Variants in LRMDA observed in about 807,000 individuals in gnomAD.
LRMDA encodes the protein leucine rich melanocyte differentiation associated, also known as leucine-rich melanocyte differentiation-associated protein.
A neutral mutation model predicts 29.8 loss-of-function variants in LRMDA; 18 were observed. That is an observed-to-expected ratio of 0.60 (90% CI 0.42 to 0.90). The LOEUF (loss-of-function observed/expected upper bound fraction) is 0.90, where lower values mean the gene tolerates loss of function less well. Ranked by LOEUF, LRMDA falls within the 40% of genes least tolerant of loss-of-function variation. The pLI, the probability that LRMDA is intolerant of heterozygous loss-of-function variation, is 0.00. For missense variants in LRMDA, 273 were observed against 273.9 expected (o/e 1.00, Z 0.02); for synonymous variants, 125 against 109.4 (o/e 1.14, Z -0.89).
At chr10:76,192,122 A>G (rs1851257794) in intron 5 of LRMDA, among the ~76,000 whole-genome samples, 1 of 152,170 alleles carries the variant, frequency 6.6e-6, no homozygotes, top group Admixed American at 6.5e-5. Context: ...TCTGTTACCA[A>G]CACTCCTAAG....
chr10:75,617,077 G>A (rs921113946), intron 2 of LRMDA, among the ~76,000 whole-genome samples: 1 of 152,168 alleles, frequency 6.6e-6, no homozygotes, highest in African/African-American at 2.4e-5. Context: ...GTGCATTTGG[G>A]AAAAAGGCAC....
At chr10:75,734,848 T>G (rs1842741595) in intron 2 of LRMDA, among the ~76,000 whole-genome samples, 2 of 152,340 alleles carry the variant, frequency 1.3e-5, no homozygotes, top group Admixed American at 6.5e-5. Context: ...ATTTTTGTTT[T>G]TAGTTATTTG....
intron 2 of LRMDA, among the ~76,000 whole-genome samples, chr10:76,017,736 G>A (rs1847901876): frequency 6.6e-6 from 1 of 152,170 alleles, no homozygotes; most frequent in African/African-American, 2.4e-5. Context: ...AGCTGTGTTG[G>A]GGCAGATCTG....
At chr10:75,806,552 A>G (rs1370418445) in intron 2 of LRMDA, among the ~76,000 whole-genome samples, 2 of 152,034 alleles carry the variant, frequency 1.3e-5, no homozygotes, top group Non-Finnish European at 2.9e-5. Flanking sequence ...TCCTTAGTAC[A>G]TTAAAGTATT....
At chr10:76,436,109 G>A (rs1382785349) in intron 6 of LRMDA, among the ~76,000 whole-genome samples, 2 of 152,190 alleles carry the variant, frequency 1.3e-5, no homozygotes, top group Non-Finnish European at 2.9e-5. Context: ...GGTGGGTTGA[G>A]AGCCCAGCTC....
At chr10:75,631,426 C>G (rs905658538) in intron 2 of LRMDA, among the ~76,000 whole-genome samples, 3 of 150,484 alleles carry the variant, frequency 2.0e-5, no homozygotes, top group African/African-American at 7.5e-5. Context: ...CGCCACCCAA[C>G]ATGTTGCCAG....
At chr10:75,599,070 C>T (rs1192068162) in intron 2 of LRMDA, among the ~76,000 whole-genome samples, 1 of 152,048 alleles carries the variant, frequency 6.6e-6, no homozygotes, top group Non-Finnish European at 1.5e-5. Flanking sequence ...GGGAAGGTGA[C>T]ACTTGAGGAG....
At chr10:76,250,733 G>A (rs1195443607) in intron 5 of LRMDA, among the ~76,000 whole-genome samples, 1 of 152,162 alleles carries the variant, frequency 6.6e-6, no homozygotes, top group African/African-American at 2.4e-5. Flanking sequence ...ACCTGAAGGA[G>A]CATTGAGGGT....
chr10:75,784,013 A>G (rs989605656), intron 2 of LRMDA, among the ~76,000 whole-genome samples: 14 of 152,232 alleles, frequency 9.2e-5, no homozygotes, highest in African/African-American at 3.1e-4. Context: ...AAAATAGGGA[A>G]TGAGGTGGAA....
chr10:75,548,623 A>G (rs1225073336), intron 2 of LRMDA, among the ~76,000 whole-genome samples: 5 of 152,138 alleles, frequency 3.3e-5, no homozygotes, highest in Non-Finnish European at 7.4e-5. Context: ...CTGCATTCTT[A>G]AGCAAAACAA....
At chr10:75,521,422 C>T (rs1005742798) in intron 2 of LRMDA, among the ~76,000 whole-genome samples, 1 of 152,236 alleles carries the variant, frequency 6.6e-6, no homozygotes, top group African/African-American at 2.4e-5. Context: ...ATGGCAGACG[C>T]CCCTCCCCCT....
chr10:76,449,891 T>C (rs1332597118), intron 6 of LRMDA, among the ~76,000 whole-genome samples: 1 of 152,216 alleles, frequency 6.6e-6, no homozygotes, highest in East Asian at 1.9e-4. Flanking sequence ...CAACATTTTA[T>C]GATAAAATCC....
intron 2 of LRMDA, among the ~76,000 whole-genome samples, chr10:75,606,543 C>T (rs1840958890): frequency 6.6e-6 from 1 of 152,168 alleles, no homozygotes; most frequent in Admixed American, 6.5e-5. Context: ...CCTGCATTTC[C>T]ACTGCACCTT....
chr10:76,160,276 G>A (rs1320565875), intron 5 of LRMDA, among the ~76,000 whole-genome samples: 2 of 150,302 alleles, frequency 1.3e-5, no homozygotes, highest in East Asian at 3.9e-4. Context: ...ATTCACATGT[G>A]TCATTTTATC....
At chr10:76,183,482 G>T (rs1490077978) in intron 5 of LRMDA, among the ~76,000 whole-genome samples, 2 of 152,100 alleles carry the variant, frequency 1.3e-5, no homozygotes, top group South Asian at 4.1e-4. Flanking sequence ...AAAGAAAAAG[G>T]CATCATTTAT....
intron 2 of LRMDA, among the ~76,000 whole-genome samples, chr10:75,574,895 A>G (rs1840483518): frequency 6.6e-6 from 1 of 152,200 alleles, no homozygotes; most frequent in Non-Finnish European, 1.5e-5. Context: ...GAGACTGGGT[A>G]ATTTATAAAG....
At chr10:76,481,413 T>G (rs562575493) in intron 6 of LRMDA, among the ~76,000 whole-genome samples, 42 of 152,006 alleles carry the variant, frequency 2.8e-4, no homozygotes, top group Non-Finnish European at 1.2e-4. Context: ...TTTTAAGGCC[T>G]TCTTTAGGGA....
At chr10:76,551,270 T>G (rs1315005125) in intron 6 of LRMDA, among the ~76,000 whole-genome samples, 1 of 151,194 alleles carries the variant, frequency 6.6e-6, no homozygotes, top group Non-Finnish European at 1.5e-5. Flanking sequence ...TACTCTTTGT[T>G]GTTCAATGGG....
chr10:75,908,172 A>G (rs1180283652), intron 2 of LRMDA, among the ~76,000 whole-genome samples: 1 of 152,206 alleles, frequency 6.6e-6, no homozygotes, highest in Non-Finnish European at 1.5e-5. Flanking sequence ...TGTCTTTCCA[A>G]AAGGAAAGCT....
Sources: gnomAD v4.1 joint callset for allele counts (sites outside exome capture counted in the v4.1 genomes callset) on GRCh38, gnomAD v4.1.1 for gene constraint, MANE v1.5 for transcripts, NCBI Gene and HGNC (gene_info 2026-07-23, HGNC 2026-07-21) for gene names.